Variants in YTHDF3 observed in about 807,000 individuals in gnomAD.
YTHDF3 encodes the protein YTH domain-containing family protein 3.
In YTHDF3, 9 loss-of-function variants were observed where a neutral mutation model predicts 52.5. The observed-to-expected ratio is 0.17, with a 90% CI of 0.10 to 0.30. The LOEUF is 0.30. YTHDF3 is among the 10% of genes least tolerant of loss of function. The pLI is 1.00. For missense variants in YTHDF3, 534 were observed against 715.0 expected, an observed-to-expected ratio of 0.75 and a Z score of 2.89; for synonymous variants, 274 against 243.3, an observed-to-expected ratio of 1.13 and a Z score of -1.18.
At chr8:63,171,626 G>C (rs975923102) in intron 2 of YTHDF3, among the ~76,000 whole-genome samples, 2 of 152,180 alleles carry the variant, frequency 1.3e-5, no homozygotes, top group Non-Finnish European at 2.9e-5. Flanking sequence ...GTAGCTATGT[G>C]TGTATTTGAG....
At chr8:63,191,714 T>G (rs963152796) in intron 4 of YTHDF3, among the ~76,000 whole-genome samples, 1 of 152,234 alleles carries the variant, frequency 6.6e-6, no homozygotes, top group Non-Finnish European at 1.5e-5. Flanking sequence ...TTTGTCCCTA[T>G]AAGACATTTT....
At chr8:63,169,558 G>T in intron 2 of YTHDF3, 147 bp downstream of exon 2, 1 of 861,218 alleles carries the variant, frequency 1.2e-6, no homozygotes, top group Non-Finnish European at 1.8e-6. Flanking sequence ...AGGTAGCCAA[G>T]TTCTATCCAG....
At chr8:63,193,131 T>C (rs974558484) in intron 4 of YTHDF3, among the ~76,000 whole-genome samples, 1 of 151,980 alleles carries the variant, frequency 6.6e-6, no homozygotes, top group African/African-American at 2.4e-5. Flanking sequence ...CCCAACACTT[T>C]GGGAGGGAGG....
intron 4 of YTHDF3, among the ~76,000 whole-genome samples, chr8:63,192,001 A>T (rs1230658618): frequency 6.6e-6 from 1 of 152,334 alleles, no homozygotes; most frequent in Non-Finnish European, 1.5e-5. Flanking sequence ...TTTTTAAATC[A>T]TACAATAAAA....
chr8:63,169,552 A>G (rs2129941764), intron 2 of YTHDF3, 141 bp downstream of exon 2: 1 of 920,768 alleles, frequency 1.1e-6, no homozygotes, highest in East Asian at 2.6e-5. Flanking sequence ...TGGCTAAGGT[A>G]GCCAAGTTCT....
At chr8:63,170,534 C>G (rs951555989) in intron 2 of YTHDF3, among the ~76,000 whole-genome samples, 5 of 151,914 alleles carry the variant, frequency 3.3e-5, no homozygotes, top group African/African-American at 1.2e-4. Context: ...TTTAAAATTT[C>G]ATTTCTAGAA....
chr8:63,181,003 T>C (rs765263930), intron 3 of YTHDF3, among the ~76,000 whole-genome samples: 15 of 152,210 alleles, frequency 9.9e-5, no homozygotes, highest in Non-Finnish European at 2.2e-4. Flanking sequence ...TTCTTAAAAT[T>C]AGTTCTTTAT....
In YTHDF3 at chr8:63,169,590, T is replaced by A. The variant is rs1004080736; in HGVS notation, c.49+179T>A. On this transcript the variant is annotated intron_variant, in intron 2 of 4. Transcript: ENST00000539294. ...CCAGAACTTCGGTAGTTCGTTGCTTTGAAGCCACTTTATAGAAACCAAAGT... is the reference window on the plus strand; with the variant it reads ...CCAGAACTTCGGTAGTTCGTTGCTTAGAAGCCACTTTATAGAAACCAAAGT... 28 of 653,354 alleles carry A rather than the reference T, an allele frequency of 4.3e-5. No homozygotes were observed. The African/African-American group carries it at 4.8e-4, about 11-fold the overall frequency. The allele number at this position is 653,354 out of a possible 1,614,324, so 40.5% of individuals were successfully genotyped here. A position where few individuals can be genotyped will look rare whatever the true frequency, so the allele number is the denominator to read the frequency against.
At chr8:63,184,240 A>G (rs960274308) in intron 3 of YTHDF3, among the ~76,000 whole-genome samples, 1 of 152,250 alleles carries the variant, frequency 6.6e-6, no homozygotes, top group African/African-American at 2.4e-5. Flanking sequence ...GTACTGTAAA[A>G]TATACTTTTA....
Position 63,211,834 on chromosome 8 carries a change from T to C in YTHDF3, c.*2128T>C, listed in dbSNP as rs1585798837. 1 of 152,704 alleles carries C rather than the reference T, an allele frequency of 6.5e-6. No homozygotes were observed. The highest frequency in any genetic ancestry group is 1.9e-4 in the East Asian group (1 of 5,190). The allele number at this position is 152,704 out of a possible 1,614,324, so 9.5% of individuals were successfully genotyped here. ...TTTAACCTGGATTTCTAATCTTAAG[T>C]GAAATGGGTGCAGCATTCCTTTGGA... On this transcript the variant is annotated 3_prime_UTR_variant, in exon 5 of 5. Coordinates refer to ENST00000539294, the MANE Select transcript of YTHDF3 (RefSeq NM_152758.6).
chr8:63,169,096 G>T (rs1416360191), intron 1 of YTHDF3, 195 bp downstream of exon 1: 30 of 1,383,518 alleles, frequency 2.2e-5, no homozygotes, highest in Non-Finnish European at 2.8e-5. Flanking sequence ...CGGGCGCGGT[G>T]CCGCGGCGGG....
At position 63,210,391 on chromosome 8, in the gene YTHDF3, C is replaced by T. The variant is rs946647590; in HGVS notation, c.*685C>T. On this transcript the variant is annotated 3_prime_UTR_variant, in exon 5 of 5. Transcript: ENST00000539294. ...ATGCACATTCTTCTTCCCTCCTCCC[C>T]CCATTAATATGTATACTGAAAAATG... 2.0e-5 allele frequency: 3 copies of T among 152,536 alleles called. No homozygotes were observed. The highest frequency in any genetic ancestry group is 2.4e-5 in the African/African-American group (1 of 41,432). The allele number at this position is 152,536 out of a possible 1,614,324, so 9.4% of individuals were successfully genotyped here.
At chr8:63,182,831 A>G (rs932008937) in intron 3 of YTHDF3, among the ~76,000 whole-genome samples, 2 of 152,108 alleles carry the variant, frequency 1.3e-5, no homozygotes, top group African/African-American at 2.4e-5. Context: ...TTTTAGAATG[A>G]GTATCTTATA....
intron 3 of YTHDF3, among the ~76,000 whole-genome samples, chr8:63,182,199 C>T (rs1011586019): frequency 5.4e-5 from 8 of 149,194 alleles, no homozygotes; most frequent in Non-Finnish European, 8.9e-5. Context: ...TCCCAAGTAG[C>T]TGAGTCTACA....
intron 3 of YTHDF3, among the ~76,000 whole-genome samples, chr8:63,180,717 A>G (rs1352273672): frequency 2.0e-5 from 3 of 152,242 alleles, no homozygotes; most frequent in Non-Finnish European, 4.4e-5. Context: ...TCCGTCTGCA[A>G]TCCTGGCACC....
chr8:63,203,855 G>A (rs1325964160), intron 4 of YTHDF3, among the ~76,000 whole-genome samples: 2 of 152,116 alleles, frequency 1.3e-5, no homozygotes, highest in Non-Finnish European at 1.5e-5. Context: ...ATTAGACTGG[G>A]GGTTATGGAT....
intron 4 of YTHDF3, among the ~76,000 whole-genome samples, chr8:63,194,659 T>A (rs1809124859): frequency 6.6e-6 from 1 of 152,186 alleles, no homozygotes; most frequent in African/African-American, 2.4e-5. Context: ...AGTGTTTTTT[T>A]CCTATAGGAA....
rs182288658 is a variant in YTHDF3, at chr8:63,212,503, G to A, written c.*2797G>A. 1.6e-4 allele frequency: 25 copies of A among 152,710 alleles called. 1 individual carries two copies. The highest frequency in any genetic ancestry group is 1.4e-3 in the Admixed American group (21 of 15,296). 9.5% of individuals were successfully genotyped at this position (152,710 alleles called of 1,614,324 possible). A position where few individuals can be genotyped will look rare whatever the true frequency, so the allele number is the denominator to read the frequency against. On this transcript the variant is annotated 3_prime_UTR_variant, in exon 5 of 5. Coordinates refer to ENST00000539294, the MANE Select transcript of YTHDF3 (RefSeq NM_152758.6). ...TGCATTCTGCATCCTTTAAAAATAA[G>A]TTTAAGAAATTTAAGAGAATTGTGT...
intron 3 of YTHDF3, among the ~76,000 whole-genome samples, chr8:63,179,967 CG>C (rs1282222225): frequency 3.4e-5 from 5 of 145,822 alleles, no homozygotes; most frequent in African/African-American, 7.7e-5. Flanking sequence ...GCTGGCCGGG[CG>C]GGGGGCTGAT....
Sources: allele counts gnomAD v4.1 joint callset (sites outside exome capture counted in the v4.1 genomes callset), GRCh38; gene constraint gnomAD v4.1.1; transcripts MANE v1.5; gene names NCBI Gene and HGNC (gene_info 2026-07-23, HGNC 2026-07-21).